Variants in EIF2B3 observed in about 807,000 individuals in gnomAD.
EIF2B3 encodes the protein eukaryotic translation initiation factor 2B subunit gamma.
A neutral mutation model predicts 54.1 loss-of-function variants in EIF2B3; 20 were observed. That is an observed-to-expected ratio of 0.37 (90% confidence interval 0.26 to 0.54). The LOEUF (loss-of-function observed/expected upper bound fraction) is 0.54, where lower values mean the gene tolerates loss of function less well. Among genes scored for constraint, EIF2B3 ranks in the 20% least tolerant of loss-of-function variants. The pLI is 0.86. For missense variants in EIF2B3, 448 were observed against 547.8 expected (o/e 0.82, Z 1.82); for synonymous variants, 153 against 188.1 (o/e 0.81, Z 1.52).
chr1:44,882,361 C>T (rs1009424557), intron 6 of EIF2B3, among the ~76,000 whole-genome samples: 2 of 152,168 alleles, frequency 1.3e-5, no homozygotes, highest in Non-Finnish European at 2.9e-5. Context: ...CTGACCTAAT[C>T]AACTCCATCT....
intron 8 of EIF2B3, among the ~76,000 whole-genome samples, chr1:44,878,334 C>T (rs529107003): frequency 1.3e-5 from 2 of 152,266 alleles, no homozygotes; most frequent in East Asian, 1.9e-4. Context: ...ACAATCTCAG[C>T]TTACTGCAAC....
intron 4 of EIF2B3, among the ~76,000 whole-genome samples, chr1:44,938,157 G>C (rs1643977635): frequency 6.6e-6 from 1 of 152,090 alleles, no homozygotes; most frequent in African/African-American, 2.4e-5. Context: ...GTGGACTGCA[G>C]GCTGTTCTGG....
intron 6 of EIF2B3, among the ~76,000 whole-genome samples, chr1:44,894,155 G>A (rs1655890547): frequency 6.6e-6 from 1 of 152,166 alleles, no homozygotes; most frequent in Admixed American, 6.6e-5. Flanking sequence ...CAGTTATCAA[G>A]AGGAATCACA....
In EIF2B3 at chr1:44,854,472, G is replaced by A. The variant is rs80177178; in HGVS notation, c.1306+3232C>T. ...TTGTTTTCGTGTTGGTGCTAGAAGA[G>A]GGTAGGGAGGCCTACACTGAGTTAC... On this transcript the variant is annotated intron_variant, in intron 11 of 11. Transcript: ENST00000360403. 5.9e-4 allele frequency among the ~76,000 whole-genome samples: 90 copies of A among 152,144 alleles called. No homozygotes were observed. In the East Asian group the frequency reaches 0.014, roughly 23 times the overall value.
intron 10 of EIF2B3, among the ~76,000 whole-genome samples, chr1:44,872,380 T>C (rs975810912): frequency 6.6e-6 from 1 of 152,032 alleles, no homozygotes; most frequent in South Asian, 2.1e-4. Context: ...GTGCAGTGGC[T>C]CATGCCTGTA....
intron 3 of EIF2B3, among the ~76,000 whole-genome samples, chr1:44,957,419 A>T (rs989977904): frequency 1.3e-5 from 2 of 152,362 alleles, no homozygotes; most frequent in Middle Eastern, 6.8e-3. Context: ...GAAAGATCAT[A>T]ATGTATTCAA....
At chr1:44,919,478 A>G (rs1643692334) in intron 5 of EIF2B3, among the ~76,000 whole-genome samples, 1 of 152,160 alleles carries the variant, frequency 6.6e-6, no homozygotes, top group South Asian at 2.1e-4. Context: ...GTGCTTACCA[A>G]TAGTTCAACT....
intron 5 of EIF2B3, among the ~76,000 whole-genome samples, chr1:44,916,810 C>CAA (rs58666630): frequency 0.17 from 19,157 of 111,010 alleles, 1,459 homozygotes; most frequent in Non-Finnish European, 0.2. Flanking sequence ...GATTCTGTCG[C>CAA]AAAAAAAAAA....
intron 3 of EIF2B3, among the ~76,000 whole-genome samples, chr1:44,947,485 A>ATGTG (rs1045274866): frequency 1.3e-5 from 2 of 151,684 alleles, no homozygotes; most frequent in African/African-American, 2.4e-5. Flanking sequence ...AGAAAACCGG[A>ATGTG]TGTGTGTGTG....
chr1:44,961,197 G>T (rs1278227214), intron 3 of EIF2B3, among the ~76,000 whole-genome samples: 1 of 151,486 alleles, frequency 6.6e-6, no homozygotes, highest in Non-Finnish European at 1.5e-5. Context: ...AGATCAGCTG[G>T]GAGTGGTGGT....
chr1:44,945,280 C>A (rs1328750098), intron 3 of EIF2B3, among the ~76,000 whole-genome samples: 1 of 151,546 alleles, frequency 6.6e-6, no homozygotes, highest in Non-Finnish European at 1.5e-5. Context: ...TCCCACTGGG[C>A]GCGGTGGCTC....
intron 7 of EIF2B3, among the ~76,000 whole-genome samples, chr1:44,880,621 C>T (rs1655360013): frequency 6.6e-6 from 1 of 152,132 alleles, no homozygotes; most frequent in African/African-American, 2.4e-5. Flanking sequence ...AGATCTTTTA[C>T]TTTCTCATAA....
intron 5 of EIF2B3, among the ~76,000 whole-genome samples, chr1:44,909,729 C>T (rs971965241): frequency 6.6e-6 from 1 of 152,220 alleles, no homozygotes; most frequent in African/African-American, 2.4e-5. Context: ...CTAACTTCCA[C>T]AAGCCCTTCT....
rs1243839399 is a variant in EIF2B3, at chr1:44,881,448, G to A, written c.784+164C>T. 6.6e-6 allele frequency among the ~76,000 whole-genome samples: 1 copy of A among 152,204 alleles called. No homozygotes were observed. Among genetic ancestry groups the A allele is most frequent in the Non-Finnish European group, 1.5e-5 (1 of 68,044 alleles). ...ACAGTGGCAGAATCTGCCTGAGCAA[G>A]CTTACCCAGAGCTCAGTGGGTTGGC... On this transcript the variant is annotated intron_variant, in intron 7 of 11. Transcript: ENST00000360403. The surrounding 1 kb of genome is among the most constrained non-coding windows in gnomAD (Gnocchi z 4.0).
chr1:44,893,021 T>G (rs1019021293), intron 6 of EIF2B3, among the ~76,000 whole-genome samples: 1 of 152,230 alleles, frequency 6.6e-6, no homozygotes, highest in Non-Finnish European at 1.5e-5. Flanking sequence ...TTGTGCTTAC[T>G]CGTGGCTTTC....
intron 10 of EIF2B3, among the ~76,000 whole-genome samples, chr1:44,858,070 CTTT>C (rs3044232): frequency 3.1e-5 from 4 of 127,384 alleles, no homozygotes; most frequent in Non-Finnish European, 3.2e-5. Flanking sequence ...ACTTCAGTTC[CTTT>C]TTTTTTTTTT....
chr1:44,986,527 CA>C lies in EIF2B3; in HGVS notation c.-45del, dbSNP rs530100284. ...CCAGCTTGTGTGCGGCCTGGCAGGG[CA>C]GAAGTCACAGCTATAACTCAGCTCC... On this transcript the variant is annotated 5_prime_UTR_variant, in exon 1 of 12. Coordinates refer to ENST00000360403, the MANE Select transcript of EIF2B3 (RefSeq NM_020365.5). The C allele has an allele frequency of 1.3e-3, 202 of 152,668 alleles. No homozygotes were observed. The highest frequency in any genetic ancestry group is 2.3e-3 in the Non-Finnish European group (157 of 68,282). The allele number at this position is 152,668 out of a possible 1,614,324, so 9.5% of individuals were successfully genotyped here.
chr1:44,967,635 G>T (rs1376789087), intron 3 of EIF2B3, among the ~76,000 whole-genome samples: 2 of 151,852 alleles, frequency 1.3e-5, no homozygotes, highest in East Asian at 3.9e-4. Context: ...AGCTACTGGG[G>T]AGGCTGAGGC....
chr1:44,938,695 C>T (rs1462671881), intron 4 of EIF2B3, among the ~76,000 whole-genome samples: 1 of 152,014 alleles, frequency 6.6e-6, no homozygotes, highest in East Asian at 1.9e-4. Context: ...CCATGTTACC[C>T]AGACTGGTCT....
Sources: gnomAD v4.1 joint callset for allele counts (sites outside exome capture counted in the v4.1 genomes callset) on GRCh38, gnomAD v4.1.1 for gene constraint, Gnocchi (gnomAD v3.1) non-coding constraint, MANE v1.5 for transcripts, NCBI Gene and HGNC (gene_info 2026-07-23, HGNC 2026-07-21) for gene names.